Variants in CDC123 observed in about 807,000 individuals in gnomAD.
The protein encoded by CDC123 is cell division cycle 123, also known as translation initiation factor eIF2 assembly protein.
In CDC123, 37 loss-of-function variants were observed where a neutral mutation model predicts 54.4. That is an observed-to-expected ratio of 0.68 (90% CI 0.52 to 0.89). CDC123 has a LOEUF of 0.89. CDC123 is among the 40% of genes least tolerant of loss of function. CDC123 has a pLI of 0.00. For missense variants in CDC123, 361 were observed against 412.1 expected (o/e 0.88, Z 1.07); for synonymous variants, 144 against 136.8 (o/e 1.05, Z -0.37).
chr10:12,199,626 T>A (rs373988796), intron 2 of CDC123, among the ~76,000 whole-genome samples: 20 of 152,206 alleles, frequency 1.3e-4, no homozygotes, highest in Admixed American at 1.0e-3. Flanking sequence ...TACTACTAAC[T>A]GGACCCCATA....
intron 4 of CDC123, among the ~76,000 whole-genome samples, chr10:12,212,753 A>G (rs1251961004): frequency 1.3e-5 from 2 of 152,216 alleles, no homozygotes; most frequent in Non-Finnish European, 2.9e-5. Context: ...AGCCTCCCCA[A>G]GGGAAAAATG....
In CDC123 at chr10:12,249,703, A is replaced by C. The variant is rs1437404871; in HGVS notation, c.969A>C (p.Ile323=). 2 of 1,611,700 alleles carry C rather than the reference A, an allele frequency of 1.2e-6. No homozygotes were observed. The highest frequency in any genetic ancestry group is 1.7e-6 in the Non-Finnish European group (2 of 1,179,406). The change falls in exon 12 of 13, where the codon ATA becomes ATC. Residue 323 remains isoleucine (I), a synonymous_variant. Transcript: ENST00000281141. ...LSTGEDAHKL[I]DFLKLKRNQQ... is the part of the protein sequence containing the mutation. ...CTGGGGAGGACGCTCACAAGCTAAT[A>C]GACTTCCTTAAGCTGGTAAAGTCTA...
In CDC123 at chr10:12,197,944, C is replaced by G. The variant is rs139392417; in HGVS notation, c.75-761C>G. Among the ~76,000 whole-genome samples, 1,150 of 152,190 alleles carry G rather than the reference C, an allele frequency of 7.6e-3. 28 individuals carry two copies. Among genetic ancestry groups the G allele is most frequent in the South Asian group, 0.062 (299 of 4,820 alleles). On this transcript the variant is annotated intron_variant, in intron 1 of 12. Transcript: ENST00000281141. The stretch of plus-strand genomic sequence containing the variant: ...TAAGTCATTGATGTTCTGTTAACTT[C>G]GGGAAAGCAGGCTGTAATCTTTTCC...
At chr10:12,207,516 C>T (rs1383117808) in intron 2 of CDC123, among the ~76,000 whole-genome samples, 1 of 151,404 alleles carries the variant, frequency 6.6e-6, no homozygotes, top group Non-Finnish European at 1.5e-5. Context: ...CATTGTAGGC[C>T]TTCCTTCATA....
chr10:12,249,315 A>G (rs1222017070), intron 11 of CDC123, among the ~76,000 whole-genome samples: 4 of 151,556 alleles, frequency 2.6e-5, no homozygotes, highest in East Asian at 3.9e-4. Flanking sequence ...GCGCATGCCT[A>G]TAGTCCCAGC....
chr10:12,223,902 G>C (rs1835770131), intron 6 of CDC123, among the ~76,000 whole-genome samples: 1 of 152,036 alleles, frequency 6.6e-6, no homozygotes, highest in Admixed American at 6.6e-5. Context: ...GGGAACAGGT[G>C]GTGTTTGGTT....
chr10:12,243,675 T>C (rs1210985593), intron 10 of CDC123, among the ~76,000 whole-genome samples: 2 of 151,846 alleles, frequency 1.3e-5, no homozygotes, highest in African/African-American at 4.8e-5. Context: ...TCCCAGCTAC[T>C]TGGGAGGCTG....
chr10:12,244,193 G>T (rs1397054610), intron 10 of CDC123, among the ~76,000 whole-genome samples: 1 of 152,228 alleles, frequency 6.6e-6, no homozygotes, highest in Non-Finnish European at 1.5e-5. Flanking sequence ...CTGAGAAACA[G>T]TGCCAGATAT....
intron 10 of CDC123, chr10:12,244,667 G>A (rs570164948): frequency 4.4e-5 from 5 of 113,026 alleles, no homozygotes; most frequent in African/African-American, 1.3e-4. Flanking sequence ...TTTTTTTTAC[G>A]TCCCCTTCAT....
chr10:12,229,579 G>A (rs1835871572), intron 6 of CDC123, among the ~76,000 whole-genome samples: 1 of 152,182 alleles, frequency 6.6e-6, no homozygotes, highest in African/African-American at 2.4e-5. Flanking sequence ...ACAGCAGCCA[G>A]CTAATCAGTT....
At chr10:12,226,287 A>G (rs1301521707) in intron 6 of CDC123, among the ~76,000 whole-genome samples, 1 of 152,068 alleles carries the variant, frequency 6.6e-6, no homozygotes, top group Non-Finnish European at 1.5e-5. Flanking sequence ...CACCTCCCAG[A>G]CGGCGTGGCG....
intron 2 of CDC123, among the ~76,000 whole-genome samples, chr10:12,199,623 A>G (rs1835412414): frequency 6.6e-6 from 1 of 152,198 alleles, no homozygotes; most frequent in Admixed American, 6.5e-5. Context: ...CAGTACTACT[A>G]ACTGGACCCC....
intron 1 of CDC123, 23 bp from the exon 2 acceptor site, chr10:12,198,680 GCC>G (rs757186744): frequency 7.6e-7 from 1 of 1,308,692 alleles, no homozygotes; most frequent in South Asian, 1.3e-5. Flanking sequence ...TTAAAATGAT[GCC>G]TTTTTTGGTG....
In CDC123 at chr10:12,227,201, C is replaced by T. The variant is rs533433912; in HGVS notation, c.441-3747C>T. On this transcript the variant is annotated intron_variant, in intron 6 of 12. Transcript: ENST00000281141. ...GGGAGGTTGCAGTGAGCCGAGATGG[C>T]GGCACTACAGTCCAGCCTCTGCTCG... is the stretch of plus-strand genomic sequence containing the variant. Among the ~76,000 whole-genome samples, 478 of 146,870 alleles carry T rather than the reference C, an allele frequency of 3.3e-3. 1 individual carries two copies. Among genetic ancestry groups the T allele is most frequent in the Non-Finnish European group, 5.6e-3 (371 of 66,838 alleles).
chr10:12,228,633 C>T (rs568752837), intron 6 of CDC123, among the ~76,000 whole-genome samples: 9 of 152,218 alleles, frequency 5.9e-5, no homozygotes, highest in African/African-American at 1.4e-4. Context: ...TGCAACGGCG[C>T]GATCTTGGCT....
At chr10:12,244,177 G>A (rs1381617335) in intron 10 of CDC123, among the ~76,000 whole-genome samples, 2 of 152,200 alleles carry the variant, frequency 1.3e-5, no homozygotes, top group Non-Finnish European at 2.9e-5. Flanking sequence ...GTTTGCTCTC[G>A]CTCAGCTGAG....
intron 6 of CDC123, among the ~76,000 whole-genome samples, chr10:12,220,505 T>C (rs940524281): frequency 1.3e-5 from 2 of 152,282 alleles, no homozygotes; most frequent in Admixed American, 6.5e-5. Context: ...TGCCAAGCAC[T>C]GGGCTTTCAG....
chr10:12,212,650 C>T (rs1394044089), intron 4 of CDC123, among the ~76,000 whole-genome samples: 2 of 152,122 alleles, frequency 1.3e-5, no homozygotes, highest in Non-Finnish European at 2.9e-5. Flanking sequence ...CAAAACTTTA[C>T]GAGCACTAAC....
intron 6 of CDC123, among the ~76,000 whole-genome samples, chr10:12,227,803 A>G (rs1232462652): frequency 6.6e-6 from 1 of 151,986 alleles, no homozygotes; most frequent in Non-Finnish European, 1.5e-5. Flanking sequence ...GTCCAAAAAT[A>G]ATTTTCTTAA....
Sources: allele counts gnomAD v4.1 joint callset (sites outside exome capture counted in the v4.1 genomes callset), GRCh38; gene constraint gnomAD v4.1.1; transcripts MANE v1.5; gene names NCBI Gene and HGNC (gene_info 2026-07-23, HGNC 2026-07-21).